The following CSF1R variants were observed in gnomAD, a reference collection of about 807,000 sequenced individuals.
CSF1R encodes macrophage colony-stimulating factor 1 receptor.
CSF1R carries 40 observed loss-of-function variants against 110.0 expected under a neutral mutation model. The ratio of observed to expected loss-of-function variants is 0.36; its 90% CI spans 0.28 to 0.47. The LOEUF is 0.47. Among genes scored for constraint, CSF1R ranks in the 20% least tolerant of loss-of-function variants. The pLI is 0.99. For synonymous variants in CSF1R, 523 were observed against 503.4 expected (o/e 1.04, Z -0.52); for missense variants, 1,052 against 1,253.0 (o/e 0.84, Z 2.42).
chr5:150,061,702 A>G (rs1561913798), intron 11 of CSF1R, 21 bp downstream of exon 11: 1 of 1,614,072 alleles, frequency 6.2e-7, no homozygotes, highest in Non-Finnish European at 8.5e-7. Context: ...GAAGCTGTGG[A>G]GTGATGAGCT....
At chr5:150,097,640 A>G (rs1461164979) in intron 1 of CSF1R, among the ~76,000 whole-genome samples, 1 of 152,228 alleles carries the variant, frequency 6.6e-6, no homozygotes, top group Non-Finnish European at 1.5e-5. Flanking sequence ...TATTTTTTAC[A>G]AATACTATTT....
chr5:150,068,317 A>T lies in CSF1R; in HGVS notation c.1524T>A (p.His508Gln), dbSNP rs2113804793. ...FIPISAGAHT[H>Q]PPDEFLFTPV... Reference sequence around the variant, plus strand: ...GTGTGAAGAGGAACTCATCCGGGGGATGCGTGTGGGCTCCTGGAAGGCATG... The same window carrying T: ...GTGTGAAGAGGAACTCATCCGGGGGTTGCGTGTGGGCTCCTGGAAGGCATG... The change falls in exon 10 of 21, where the codon CAT (histidine) becomes CAA (glutamine). Residue 508 changes from histidine (H) to glutamine (Q), a missense_variant. His to Gln is a conservative substitution (Grantham distance 24, BLOSUM62 0). Transcript: ENST00000675795. The T allele has an allele frequency of 6.2e-7, 1 of 1,612,376 alleles. No homozygotes were observed. The highest frequency in any genetic ancestry group is 8.5e-7 in the Non-Finnish European group (1 of 1,179,544).
chr5:150,112,646 C>G (rs1005624207), intron 1 of CSF1R, among the ~76,000 whole-genome samples: 1 of 152,210 alleles, frequency 6.6e-6, no homozygotes, highest in African/African-American at 2.4e-5. Flanking sequence ...CCTGCCACAG[C>G]TAGAAGAGAA....
chr5:150,061,023 G>C, intron 12 of CSF1R, 51 bp from the exon 13 acceptor site: 1 of 1,306,772 alleles, frequency 7.7e-7, no homozygotes, highest in Non-Finnish European at 1.1e-6. Context: ...AGGACAGAGA[G>C]CACCACACAG....
At chr5:150,099,578 C>T (rs370708822) in intron 1 of CSF1R, among the ~76,000 whole-genome samples, 5 of 152,168 alleles carry the variant, frequency 3.3e-5, no homozygotes, top group South Asian at 2.1e-4. Context: ...ATGTACACAA[C>T]GATGTGGATG....
At position 150,080,174 on chromosome 5, in the gene CSF1R, G is replaced by A. The variant is rs148673905; in HGVS notation, c.470C>T (p.Ser157Leu). The change falls in exon 3 of 21, where the codon TCG becomes TTG. Residue 157 changes from serine to leucine, a missense_variant. Physicochemically the swap from Ser to Leu is moderately radical, Grantham distance 145. Coordinates refer to ENST00000675795, the MANE Select transcript of CSF1R (RefSeq NM_001288705.3). Reference sequence around the variant, plus strand: ...GTGGATGGTGAAGCCATGCCAGGGCGAGAAGGAGTAGTTGGTGTGGCGCAT... The same window carrying A: ...GTGGATGGTGAAGCCATGCCAGGGCAAGAAGGAGTAGTTGGTGTGGCGCAT... ...PLMRHTNYSF[S>L]PWHGFTIHRA... The A allele has an allele frequency of 8.1e-5, 130 of 1,613,938 alleles. No individual in the cohort carries two copies. The highest frequency in any genetic ancestry group is 1.7e-4 in the Middle Eastern group (1 of 6,060).
At chr5:150,065,601 C>T (rs1209597995) in intron 10 of CSF1R, among the ~76,000 whole-genome samples, 2 of 152,202 alleles carry the variant, frequency 1.3e-5, no homozygotes, top group East Asian at 1.9e-4. Context: ...AGGCTCCGAA[C>T]CTCATGGGGC....
chr5:150,080,656 A>T, intron 2 of CSF1R, 111 bp downstream of exon 2: 1 of 1,378,966 alleles, frequency 7.3e-7, no homozygotes, highest in Non-Finnish European at 9.9e-7. Context: ...CCTTGCTCAT[A>T]GCCAGCACTC....
Position 150,100,290 on chromosome 5 carries a change from C to CTTTTTTTTTTTTTTTTT in CSF1R, c.-181+12954_-181+12970dup, listed in dbSNP as rs752638971. On this transcript the variant is annotated intron_variant, in intron 1 of 21. Coordinates refer to the CSF1R transcript ENST00000286301. ...AGTGAACCTAAGATCATTGGCTAAC[C>CTTTTTTTTTTTTTTTTT]TTTTTTTTTTTTTTTTTTTTTTTCT... Among the ~76,000 whole-genome samples, 3 of 89,348 alleles carry CTTTTTTTTTTTTTTTTT rather than the reference C, an allele frequency of 3.4e-5. 1 individual carries two copies. Among genetic ancestry groups the CTTTTTTTTTTTTTTTTT allele is most frequent in the African/African-American group, 4.6e-5 (1 of 21,596 alleles). 58.6% of individuals were successfully genotyped at this position (89,348 alleles called of 152,430 possible). A position where few individuals can be genotyped will look rare whatever the true frequency, so the allele number is the denominator to read the frequency against.
rs1354335625 is a variant in CSF1R, at chr5:150,077,371, A to G, written c.794T>C (p.Leu265Pro). ...NRYQKVLTLNLDQVDFQHAGN... is the reference protein window; with the variant it reads ...NRYQKVLTLNPDQVDFQHAGN... ...GGCATGTTGGAAATCTACTTGATCGAGGTTGAGGGTCAGGACTTTTTGGTA... is the reference window on the plus strand; with the variant it reads ...GGCATGTTGGAAATCTACTTGATCGGGGTTGAGGGTCAGGACTTTTTGGTA... Residue 265 changes from leucine to proline, a missense_variant, in exon 5 of 21, where the codon CTC (leucine) becomes CCC (proline). This residue lies in a region of CSF1R where 693 missense variants were observed against 735.4 expected (regional missense o/e 0.94). Transcript: ENST00000675795. 1 of 1,614,076 alleles carries G rather than the reference A, an allele frequency of 6.2e-7. No individual in the cohort carries two copies. The highest frequency in any genetic ancestry group is 2.2e-5 in the East Asian group (1 of 44,884).
At chr5:150,073,210 AG>A in intron 6 of CSF1R, 90 bp downstream of exon 6, 2 of 1,312,616 alleles carry the variant, frequency 1.5e-6, no homozygotes, top group South Asian at 1.4e-5. Context: ...TCATACACCA[AG>A]GTTGGGACAT....
rs748747560 is a variant in CSF1R, at chr5:150,057,590, T to C, written c.2135A>G (p.Asp712Gly). ...CACACCCTGGCTGGAGAAGCCACTG[T>C]CCCTACATAGGAGAGAGGGTTGGGG... ...IHLEKKYVRRDSGFSSQGVDT... is the reference protein window; with the variant it reads ...IHLEKKYVRRGSGFSSQGVDT... Residue 712 changes from aspartate (D) to glycine (G), a missense_variant and splice_region_variant, in exon 15 of 21, where the codon GAC becomes GGC. Physicochemically the swap from Asp to Gly is moderately conservative, Grantham distance 94. Around this residue, in one of 5 missense-constraint regions of CSF1R, gnomAD observed 124 missense variants for 117.7 expected, o/e 1.05. Coordinates refer to ENST00000675795, the MANE Select transcript of CSF1R (RefSeq NM_001288705.3). 16 of 1,613,570 alleles carry C rather than the reference T, an allele frequency of 9.9e-6. No homozygotes were observed. The highest frequency in any genetic ancestry group is 1.2e-5 in the Non-Finnish European group (14 of 1,179,606).
In CSF1R at chr5:150,082,414, T is replaced by C. The variant is rs1271455244; in HGVS notation, c.50-1390A>G. Among the ~76,000 whole-genome samples, 3 of 152,232 alleles carry C rather than the reference T, an allele frequency of 2.0e-5. No individual in the cohort carries two copies. In the East Asian group the frequency reaches 5.8e-4, roughly 29 times the overall value. ...GATTTTGTATTCATCAGAATGTGCA[T>C]CCCTTCTCCCCAAGACTCTGATCAG... On this transcript the variant is annotated intron_variant, in intron 1 of 20. Transcript: ENST00000675795.
At chr5:150,057,408 G>A (rs1277854340) in intron 15 of CSF1R, 24 bp from the exon 16 acceptor site, 3 of 1,612,436 alleles carry the variant, frequency 1.9e-6, no homozygotes, top group Non-Finnish European at 2.5e-6. Context: ...AGGCGTCAGG[G>A]CAGCCCTGCC....
intron 1 of CSF1R, among the ~76,000 whole-genome samples, chr5:150,081,253 G>A (rs1248042187): frequency 6.6e-6 from 1 of 152,116 alleles, no homozygotes; most frequent in East Asian, 1.9e-4. Context: ...GAGAAAGGGG[G>A]CTTGCAGCTT....
At chr5:150,089,081 G>A (rs1427998121), upstream of CSF1R, among the ~76,000 whole-genome samples, 3 of 152,116 alleles carry the variant, frequency 2.0e-5, no homozygotes, top group Admixed American at 6.5e-5. Context: ...CAGCCTCAAC[G>A]TGATTAAGGG....
chr5:150,058,629 G>A (rs537195533), intron 14 of CSF1R, among the ~76,000 whole-genome samples: 5 of 152,166 alleles, frequency 3.3e-5, no homozygotes, highest in African/African-American at 1.2e-4. Context: ...ATCTTCAGAG[G>A]CCTAGTGTGT....
intron 1 of CSF1R, among the ~76,000 whole-genome samples, chr5:150,097,387 A>G (rs374490354): frequency 7.2e-5 from 11 of 151,994 alleles, no homozygotes; most frequent in Admixed American, 1.3e-4. Context: ...AAGAAGGAAA[A>G]GAAAGGAAAG....
chr5:150,087,225 T>C (rs1231965882), upstream of CSF1R, among the ~76,000 whole-genome samples: 2 of 152,360 alleles, frequency 1.3e-5, no homozygotes, highest in Admixed American at 6.5e-5. Context: ...CCTCTACATC[T>C]GGGGTCAGAA....
Sources: allele counts gnomAD v4.1 joint callset (sites outside exome capture counted in the v4.1 genomes callset), GRCh38; gene constraint gnomAD v4.1.1; regional missense constraint gnomAD v4.1.1; transcripts MANE v1.5; gene names NCBI Gene and HGNC (gene_info 2026-07-23, HGNC 2026-07-21).